CP: variants seen among roughly 807,000 people sequenced by gnomAD.
CP encodes ceruloplasmin.
A neutral mutation model predicts 122.4 loss-of-function variants in CP; 64 were observed. The ratio of observed to expected loss-of-function variants is 0.52; its 90% CI spans 0.43 to 0.64. The LOEUF (loss-of-function observed/expected upper bound fraction) is 0.64. Among genes scored for constraint, CP ranks in the 30% least tolerant of loss-of-function variants. The pLI, the probability that CP is intolerant of heterozygous loss-of-function variation, is 0.00. For synonymous variants in CP, 440 were observed against 436.4 expected (o/e 1.01, Z -0.10); for missense variants, 1,167 against 1,284.4 (o/e 0.91, Z 1.40).
In CP at chr3:149,182,100, A is replaced by G. The variant is rs780856697; in HGVS notation, c.2459T>C (p.Val820Ala). Residue 820 changes from valine to alanine, a missense_variant, in exon 14 of 19, where the codon GTC becomes GCC. Physicochemically the swap from Val to Ala is moderately conservative, Grantham distance 64. Around this residue, in one of 2 missense-constraint regions of CP, gnomAD observed 525 missense variants for 657.2 expected, o/e 0.80. Transcript: ENST00000264613. ...PQLHADVGDK[V>A]KIIFKNMATR... is the part of the protein sequence containing the mutation. ...GGCCATGTTTTTAAAGATAATTTTG[A>G]CTTTGTCTCCAACATCTGCATGAAG... The G allele has an allele frequency of 1.9e-6, 3 of 1,612,722 alleles. No homozygotes were observed. The highest frequency in any genetic ancestry group is 2.5e-6 in the Non-Finnish European group (3 of 1,179,800).
intron 12 of CP, among the ~76,000 whole-genome samples, chr3:149,184,208 G>A (rs1468110013): frequency 6.6e-6 from 1 of 151,118 alleles, no homozygotes; most frequent in Non-Finnish European, 1.5e-5. Flanking sequence ...CTAATTTTTT[G>A]TATTTTTTAG....
rs1264913717 is a variant in CP at position 149,184,023 on chromosome 3, TAC to T, written c.2286-420_2286-419del. On this transcript the variant is annotated intron_variant, in intron 12 of 18. Coordinates refer to ENST00000264613, the MANE Select transcript of CP (RefSeq NM_000096.4). ...TTTTCCCAGGCATTCCCTTTTCACT[TAC>T]TTCTTTTTTTTTTTTTTTTTTTTTT... 5.0e-4 allele frequency among the ~76,000 whole-genome samples: 63 copies of T among 127,162 alleles called. 1 individual carries two copies. Among genetic ancestry groups the T allele is most frequent in the Non-Finnish European group, 8.2e-4 (48 of 58,698 alleles). The allele number at this position is 127,162 out of a possible 152,430, so 83.4% of individuals were successfully genotyped here. A position where few individuals can be genotyped will look rare whatever the true frequency, so the allele number is the denominator to read the frequency against.
At chr3:149,195,647 G>A (rs1250387922) in intron 9 of CP, among the ~76,000 whole-genome samples, 6 of 152,292 alleles carry the variant, frequency 3.9e-5, no homozygotes, top group Non-Finnish European at 8.8e-5. Flanking sequence ...GGCGGATCAC[G>A]AGGTTAGGAG....
rs3107836 is a variant in CP at position 149,188,491 on chromosome 3, A to C, written c.1714-289T>G. Reference sequence around the variant, plus strand: ...ATTGTGCATACCAATTGAAGCCTCCAAAAAAAAAAAAAAAAAAAAAAAAAA... The same window carrying C: ...ATTGTGCATACCAATTGAAGCCTCCCAAAAAAAAAAAAAAAAAAAAAAAAA... On this transcript the variant is annotated intron_variant, in intron 9 of 18. Coordinates refer to ENST00000264613, the MANE Select transcript of CP (RefSeq NM_000096.4). Among the ~76,000 whole-genome samples, 506 of 18,954 alleles carry C rather than the reference A, an allele frequency of 0.027. 24 individuals carry two copies. The highest frequency in any genetic ancestry group is 0.11 in the African/African-American group (398 of 3,688). The allele number at this position is 18,954 out of a possible 152,430, so 12.4% of individuals were successfully genotyped here. A position where few individuals can be genotyped will look rare whatever the true frequency, so the allele number is the denominator to read the frequency against.
intron 18 of CP, chr3:149,176,032 G>A (rs1301649985): frequency 1.8e-6 from 1 of 568,558 alleles, no homozygotes; most frequent in African/African-American, 1.9e-5. Flanking sequence ...GAAATGACTG[G>A]TGCTGTTACA....
chr3:149,209,063 CT>C, intron 4 of CP, 147 bp downstream of exon 4: 4 of 1,025,018 alleles, frequency 3.9e-6, no homozygotes, highest in Non-Finnish European at 4.3e-6. Flanking sequence ...ACTTACTTAG[CT>C]GAATATCAAA....
At chr3:149,215,985 A>G (rs1486593431) in intron 1 of CP, among the ~76,000 whole-genome samples, 1 of 152,184 alleles carries the variant, frequency 6.6e-6, no homozygotes, top group East Asian at 1.9e-4. Context: ...TGCTTTGGTA[A>G]GATATTAATA....
At chr3:149,202,605 C>CTTTTTTTT (rs34873592) in intron 6 of CP, among the ~76,000 whole-genome samples, 1 of 106,814 alleles carries the variant, frequency 9.4e-6, no homozygotes, top group Non-Finnish European at 1.9e-5. Flanking sequence ...TGTTGTTTGT[C>CTTTTTTTT]TTTTTTTTTT....
chr3:149,218,981 T>C (rs1218866151), intron 1 of CP, among the ~76,000 whole-genome samples: 1 of 152,190 alleles, frequency 6.6e-6, no homozygotes, highest in Non-Finnish European at 1.5e-5. Flanking sequence ...CCATGTCTTG[T>C]GATACTCCAT....
intron 4 of CP, 28 bp from the exon 5 acceptor site, chr3:149,207,645 TAA>T (rs1310384463): frequency 6.2e-7 from 1 of 1,612,252 alleles, no homozygotes; most frequent in East Asian, 2.2e-5. Context: ...AGTTTGTGAC[TAA>T]GAGTCATTAA....
chr3:149,171,603 A>G (rs1469150671), downstream of CP, among the ~76,000 whole-genome samples: 3 of 152,178 alleles, frequency 2.0e-5, no homozygotes, highest in Non-Finnish European at 4.4e-5. Context: ...GGATTCTAGT[A>G]AGGAAAAATA....
intron 1 of CP, among the ~76,000 whole-genome samples, chr3:149,216,321 G>T (rs970077849): frequency 6.6e-6 from 1 of 152,114 alleles, no homozygotes; most frequent in Non-Finnish European, 1.5e-5. Context: ...TAGCTCATTT[G>T]GGTTATTGCC....
intron 18 of CP, among the ~76,000 whole-genome samples, chr3:149,174,314 A>G (rs1725265541): frequency 6.6e-6 from 1 of 152,200 alleles, no homozygotes; most frequent in Non-Finnish European, 1.5e-5. Flanking sequence ...TAGTTTTTAA[A>G]TCATTGTTGC....
At chr3:149,199,933 T>G in intron 7 of CP, 69 bp from the exon 8 acceptor site, 1 of 1,501,486 alleles carries the variant, frequency 6.7e-7, no homozygotes, top group Non-Finnish European at 9.2e-7. Flanking sequence ...GATAGTTATC[T>G]TCTTTGACTG....
At chr3:149,185,543 C>T in intron 11 of CP, 97 bp from the exon 12 acceptor site, 2 of 1,109,278 alleles carry the variant, frequency 1.8e-6, no homozygotes, top group Non-Finnish European at 2.7e-6. Flanking sequence ...TTATCATGGC[C>T]TCAGGTGATC....
chr3:149,187,243 T>C (rs1325089241), intron 10 of CP, among the ~76,000 whole-genome samples: 1 of 152,164 alleles, frequency 6.6e-6, no homozygotes, highest in African/African-American at 2.4e-5. Context: ...TGCTTCCAAA[T>C]ATACAAAAAT....
intron 18 of CP, among the ~76,000 whole-genome samples, chr3:149,174,886 A>G (rs1226530176): frequency 6.6e-6 from 1 of 151,996 alleles, no homozygotes. Context: ...TTAATTTTTT[A>G]TCTAGTGTTG....
rs183763414 is a variant in CP, at chr3:149,187,699, A to T, written c.1864+353T>A. 1.0e-3 allele frequency among the ~76,000 whole-genome samples: 154 copies of T among 152,342 alleles called. 1 individual carries two copies. Among genetic ancestry groups the T allele is most frequent in the Middle Eastern group, 3.4e-3 (1 of 294 alleles). On this transcript the variant is annotated intron_variant, in intron 10 of 18. Coordinates refer to ENST00000264613, the MANE Select transcript of CP (RefSeq NM_000096.4). ...TGTAGCGTTCATCAGAATCATCTGC[A>T]GAGTTTGTTGAAAACAGATTGCCGG...
intron 14 of CP, 32 bp downstream of exon 14, chr3:149,181,973 T>TTCGGG: frequency 7.3e-7 from 1 of 1,375,574 alleles, no homozygotes; most frequent in Non-Finnish European, 1.0e-6. Context: ...CCTGTTAAAA[T>TTCGGG]GCACCACCCC....
Sources: allele counts gnomAD v4.1 joint callset (sites outside exome capture counted in the v4.1 genomes callset), GRCh38; gene constraint gnomAD v4.1.1; regional missense constraint gnomAD v4.1.1; transcripts MANE v1.5; gene names NCBI Gene and HGNC (gene_info 2026-07-23, HGNC 2026-07-21).